Variants in CLSTN2 observed in about 807,000 individuals in gnomAD.
CLSTN2 encodes the protein calsyntenin 2.
A neutral mutation model predicts 101.2 loss-of-function variants in CLSTN2; 48 were observed. The ratio of observed to expected loss-of-function variants is 0.47; its 90% CI spans 0.38 to 0.60. The LOEUF (loss-of-function observed/expected upper bound fraction) is 0.60, where lower values mean the gene tolerates loss of function less well. CLSTN2 is among the 20% of genes least tolerant of loss of function. CLSTN2 has a pLI of 0.00. For missense variants in CLSTN2, 1,160 were observed against 1,238.2 expected (o/e 0.94, Z 0.95); for synonymous variants, 481 against 463.6 (o/e 1.04, Z -0.48).
intron 8 of CLSTN2, among the ~76,000 whole-genome samples, chr3:140,470,118 A>C (rs1427531612): frequency 1.3e-5 from 2 of 152,218 alleles, no homozygotes; most frequent in East Asian, 3.8e-4. Flanking sequence ...TGGGAATTTC[A>C]GCATTTTATC....
intron 1 of CLSTN2, among the ~76,000 whole-genome samples, chr3:140,140,787 G>A (rs974190256): frequency 7.2e-5 from 11 of 152,326 alleles, no homozygotes; most frequent in African/African-American, 2.6e-4. Flanking sequence ...ACTCAGGACT[G>A]CCTAACTCTA....
At chr3:140,483,363 C>G (rs996230340) in intron 8 of CLSTN2, among the ~76,000 whole-genome samples, 30 of 152,172 alleles carry the variant, frequency 2.0e-4, no homozygotes, top group African/African-American at 6.0e-4. Flanking sequence ...TTACTTCCAA[C>G]TATATGGTCA....
In CLSTN2 at chr3:140,558,735, C is replaced by A; in HGVS notation, c.1919C>A (p.Thr640Lys). The stretch of plus-strand genomic sequence containing the variant: ...GAGCCCCGGATCACCCTCCGGGGCA[C>A]AGACCACTTCTGGAGACCTGCTGCC... ...AIEPRITLRGTDHFWRPAAQF... is the reference protein window; with the variant it reads ...AIEPRITLRGKDHFWRPAAQF... Residue 640 changes from threonine (T) to lysine (K), a missense_variant, in exon 12 of 17, where the codon ACA becomes AAA. Physicochemically the swap from Thr to Lys is moderately conservative, Grantham distance 78. Transcript: ENST00000458420. 1 of 1,614,078 alleles carries A rather than the reference C, an allele frequency of 6.2e-7. No homozygotes were observed. The highest frequency in any genetic ancestry group is 1.7e-4 in the Middle Eastern group (1 of 6,046).
At chr3:140,220,911 TG>T in intron 2 of CLSTN2, among the ~76,000 whole-genome samples, 1 of 152,252 alleles carries the variant, frequency 6.6e-6, no homozygotes, top group East Asian at 1.9e-4. Flanking sequence ...CTCAGTTAGG[TG>T]GTGAGTTAAA....
At chr3:140,444,929 T>A (rs1324984198) in intron 5 of CLSTN2, among the ~76,000 whole-genome samples, 3 of 152,240 alleles carry the variant, frequency 2.0e-5, no homozygotes, top group Non-Finnish European at 2.9e-5. Flanking sequence ...ACTTGATGAC[T>A]TGCCTTTTGC....
At chr3:140,086,402 C>T (rs1168824122) in intron 1 of CLSTN2, among the ~76,000 whole-genome samples, 2 of 152,134 alleles carry the variant, frequency 1.3e-5, no homozygotes, top group African/African-American at 2.4e-5. Flanking sequence ...GACTTAAACC[C>T]TTTGTGACTC....
chr3:139,981,653 G>A (rs1935924134), intron 1 of CLSTN2, among the ~76,000 whole-genome samples: 1 of 152,234 alleles, frequency 6.6e-6, no homozygotes, highest in Admixed American at 6.5e-5. Flanking sequence ...CGTCCAAACT[G>A]TGTCCCTGCA....
At chr3:140,052,125 G>C (rs2008008899) in intron 1 of CLSTN2, among the ~76,000 whole-genome samples, 1 of 151,936 alleles carries the variant, frequency 6.6e-6, no homozygotes. Context: ...CTGTGCAGTG[G>C]GCTCTTCTTT....
At chr3:140,191,388 T>C (rs765166157) in intron 2 of CLSTN2, among the ~76,000 whole-genome samples, 7 of 152,032 alleles carry the variant, frequency 4.6e-5, no homozygotes, top group Non-Finnish European at 8.8e-5. Context: ...ATTGCTATTG[T>C]CTAGTTTTAT....
At chr3:140,474,780 T>A (rs1933940816) in intron 8 of CLSTN2, among the ~76,000 whole-genome samples, 1 of 152,156 alleles carries the variant, frequency 6.6e-6, no homozygotes, top group Non-Finnish European at 1.5e-5. Context: ...TCAGGGCCTT[T>A]TCCAAGGCTG....
At chr3:140,437,858 C>T (rs1405985568) in intron 5 of CLSTN2, among the ~76,000 whole-genome samples, 3 of 152,144 alleles carry the variant, frequency 2.0e-5, no homozygotes, top group African/African-American at 7.2e-5. Context: ...TCAATTAATG[C>T]AGTATTGTCA....
intron 2 of CLSTN2, among the ~76,000 whole-genome samples, chr3:140,257,748 TCTG>T (rs752527843): frequency 3.3e-5 from 5 of 152,324 alleles, no homozygotes; most frequent in African/African-American, 1.2e-4. Flanking sequence ...AATTAACAAT[TCTG>T]CTGGGCATGT....
At chr3:140,479,432 C>T (rs558895759) in intron 8 of CLSTN2, among the ~76,000 whole-genome samples, 1 of 152,244 alleles carries the variant, frequency 6.6e-6, no homozygotes, top group Admixed American at 6.5e-5. Flanking sequence ...TCCATAATAT[C>T]CAGTGTGCAA....
intron 1 of CLSTN2, among the ~76,000 whole-genome samples, chr3:140,063,859 C>T (rs944913318): frequency 2.0e-5 from 3 of 152,150 alleles, no homozygotes; most frequent in Admixed American, 6.5e-5. Context: ...TAGGATTAAA[C>T]AACTCAATTA....
intron 1 of CLSTN2, among the ~76,000 whole-genome samples, chr3:140,151,513 G>A (rs2009864826): frequency 6.6e-6 from 1 of 151,994 alleles, no homozygotes; most frequent in Non-Finnish European, 1.5e-5. Context: ...TTATACACGG[G>A]GTGACGGGAG....
At chr3:140,036,333 A>G (rs1161835569) in intron 1 of CLSTN2, among the ~76,000 whole-genome samples, 2 of 152,178 alleles carry the variant, frequency 1.3e-5, no homozygotes, top group Non-Finnish European at 2.9e-5. Context: ...CCCCAAATCC[A>G]TATAGTGATT....
At chr3:139,973,326 T>C (rs750038281) in intron 1 of CLSTN2, among the ~76,000 whole-genome samples, 36 of 152,226 alleles carry the variant, frequency 2.4e-4, no homozygotes, top group Admixed American at 3.9e-4. Flanking sequence ...TTCCCAAGCA[T>C]CAAGTTCCAG....
At chr3:140,129,623 T>G (rs953372966) in intron 1 of CLSTN2, among the ~76,000 whole-genome samples, 1 of 152,238 alleles carries the variant, frequency 6.6e-6, no homozygotes, top group Non-Finnish European at 1.5e-5. Flanking sequence ...ATCTTTCTTC[T>G]GTCTCTGCAG....
chr3:140,249,353 G>C (rs2086542569), intron 2 of CLSTN2, among the ~76,000 whole-genome samples: 1 of 152,210 alleles, frequency 6.6e-6, no homozygotes, highest in Non-Finnish European at 1.5e-5. Context: ...GAGAGTATGA[G>C]CAGTCTGACA....
Sources: allele counts gnomAD v4.1 joint callset (sites outside exome capture counted in the v4.1 genomes callset), GRCh38; gene constraint gnomAD v4.1.1; transcripts MANE v1.5; gene names NCBI Gene and HGNC (gene_info 2026-07-23, HGNC 2026-07-21).